Variants in ITFG1 observed in about 807,000 individuals in gnomAD.
ITFG1 encodes T-cell immunomodulatory protein.
A neutral mutation model predicts 81.8 loss-of-function variants in ITFG1; 34 were observed. That is an observed-to-expected ratio of 0.42 (90% CI 0.32 to 0.55). The LOEUF (loss-of-function observed/expected upper bound fraction) is 0.55, where lower values mean the gene tolerates loss of function less well. ITFG1 is among the 20% of genes least tolerant of loss of function. The pLI is 0.17. For missense variants in ITFG1, 672 were observed against 755.4 expected (o/e 0.89, Z 1.29); for synonymous variants, 285 against 270.6 (o/e 1.05, Z -0.52).
At chr16:47,429,817 C>T (rs1423257352) in intron 5 of ITFG1, among the ~76,000 whole-genome samples, 1 of 152,072 alleles carries the variant, frequency 6.6e-6, no homozygotes, top group Admixed American at 6.6e-5. Flanking sequence ...TCGATCCATC[C>T]ATTCATCCAT....
intron 9 of ITFG1, 117 bp downstream of exon 9, chr16:47,313,612 G>GT: frequency 2.4e-6 from 1 of 422,452 alleles, no homozygotes; most frequent in Non-Finnish European, 4.2e-6. Context: ...GAGGAAGTCG[G>GT]TAACTTAATT....
intron 5 of ITFG1, among the ~76,000 whole-genome samples, chr16:47,447,326 AAAG>A (rs1249367266): frequency 6.6e-5 from 10 of 152,222 alleles, no homozygotes; most frequent in Non-Finnish European, 5.9e-5. Flanking sequence ...ACTTTTCTCA[AAAG>A]AAGATGATCT....
intron 1 of ITFG1, among the ~76,000 whole-genome samples, chr16:47,460,310 C>T (rs1969513663): frequency 1.3e-5 from 2 of 152,162 alleles, no homozygotes; most frequent in Non-Finnish European, 1.5e-5. Context: ...ACATTCGCTT[C>T]ATAGAAAGTT....
At chr16:47,288,561 C>T (rs1966879194) in intron 10 of ITFG1, among the ~76,000 whole-genome samples, 1 of 152,134 alleles carries the variant, frequency 6.6e-6, no homozygotes, top group African/African-American at 2.4e-5. Context: ...TTCCCACCAT[C>T]AATGTATAAG....
chr16:47,353,423 C>G (rs1012331043), intron 8 of ITFG1, among the ~76,000 whole-genome samples: 5 of 151,884 alleles, frequency 3.3e-5, no homozygotes, highest in African/African-American at 9.7e-5. Context: ...CCATATATGA[C>G]AAACCTACAG....
At chr16:47,188,632 AG>A (rs1567418549) in intron 14 of ITFG1, among the ~76,000 whole-genome samples, 1 of 16,534 alleles carries the variant, frequency 6.0e-5, no homozygotes, top group South Asian at 2.3e-3. Flanking sequence ...GGGAGGGGGG[AG>A]GGGGGAGGGA....
chr16:47,170,212 T>G (rs995959749), intron 14 of ITFG1, among the ~76,000 whole-genome samples: 2 of 152,150 alleles, frequency 1.3e-5, no homozygotes, highest in South Asian at 4.1e-4. Flanking sequence ...TTAGGGAGTA[T>G]TTGCTTTTCT....
intron 14 of ITFG1, among the ~76,000 whole-genome samples, chr16:47,184,870 T>C (rs1332506515): frequency 6.6e-6 from 1 of 152,140 alleles, no homozygotes; most frequent in Non-Finnish European, 1.5e-5. Flanking sequence ...CAGTGTGCTA[T>C]ATTCAGAAAA....
chr16:47,183,258 C>G (rs886680575), intron 14 of ITFG1, among the ~76,000 whole-genome samples: 4 of 152,194 alleles, frequency 2.6e-5, no homozygotes, highest in East Asian at 1.9e-4. Context: ...CCTGGAAGCT[C>G]GAACTGGGTG....
At chr16:47,300,309 CA>C (rs1479360219) in intron 10 of ITFG1, among the ~76,000 whole-genome samples, 1 of 152,222 alleles carries the variant, frequency 6.6e-6, no homozygotes, top group Non-Finnish European at 1.5e-5. Context: ...TAATTGTCTA[CA>C]TGCTATTTTG....
At chr16:47,341,256 AAAATAAATAAAT>A (rs111605574) in intron 8 of ITFG1, among the ~76,000 whole-genome samples, 5 of 150,712 alleles carry the variant, frequency 3.3e-5, no homozygotes, top group African/African-American at 7.4e-5. Flanking sequence ...CCATCTGTAA[AAAATAAATAAAT>A]AAATAAATAA....
At chr16:47,455,491 G>A (rs1340831499) in intron 2 of ITFG1, among the ~76,000 whole-genome samples, 13 of 151,994 alleles carry the variant, frequency 8.6e-5, no homozygotes, top group Admixed American at 1.3e-4. Flanking sequence ...GGCTGGGCGC[G>A]GTGGTTCACG....
chr16:47,296,758 C>T (rs1966988123), intron 10 of ITFG1, among the ~76,000 whole-genome samples: 1 of 152,078 alleles, frequency 6.6e-6, no homozygotes, highest in Admixed American at 6.6e-5. Context: ...TTGAGAATTT[C>T]CGTTGGTATT....
intron 10 of ITFG1, among the ~76,000 whole-genome samples, chr16:47,306,691 T>TA (rs533530944): frequency 5.3e-5 from 8 of 150,778 alleles, no homozygotes; most frequent in Admixed American, 5.3e-4. Flanking sequence ...GGAAAAAATG[T>TA]AAAAATAAAC....
At chr16:47,308,752 C>T (rs968719900) in intron 10 of ITFG1, among the ~76,000 whole-genome samples, 2 of 152,202 alleles carry the variant, frequency 1.3e-5, no homozygotes, top group African/African-American at 2.4e-5. Context: ...GATACTCAGA[C>T]TTCTGAGTGT....
chr16:47,164,967 T>C (rs867708429), intron 14 of ITFG1, among the ~76,000 whole-genome samples: 3 of 152,246 alleles, frequency 2.0e-5, no homozygotes, highest in South Asian at 2.1e-4. Context: ...TTCCTTAGAA[T>C]AGACAATACT....
chr16:47,325,509 C>G (rs552503908), intron 8 of ITFG1, among the ~76,000 whole-genome samples: 2 of 152,060 alleles, frequency 1.3e-5, no homozygotes, highest in African/African-American at 4.8e-5. Context: ...CACAAAAAAC[C>G]CTTCAAAAAA....
intron 14 of ITFG1, among the ~76,000 whole-genome samples, chr16:47,187,709 C>T (rs1965239782): frequency 6.6e-6 from 1 of 151,182 alleles, no homozygotes; most frequent in African/African-American, 2.4e-5. Flanking sequence ...TGGGCAAGCA[C>T]TTCCTGTCTA....
chr16:47,164,887 G>C (rs894809144), intron 14 of ITFG1, among the ~76,000 whole-genome samples: 1 of 152,234 alleles, frequency 6.6e-6, no homozygotes, highest in East Asian at 1.9e-4. Flanking sequence ...AGTTGAGAAG[G>C]GGGGCAGGAT....
Sources: allele counts gnomAD v4.1 joint callset (sites outside exome capture counted in the v4.1 genomes callset), GRCh38; gene constraint gnomAD v4.1.1; transcripts MANE v1.5; gene names NCBI Gene and HGNC (gene_info 2026-07-23, HGNC 2026-07-21).